RBM12: variants seen among roughly 807,000 people sequenced by gnomAD.
RBM12 encodes RNA binding motif protein 12, also known as RNA-binding protein 12.
A neutral mutation model predicts 37.2 loss-of-function variants in RBM12; 24 were observed. The ratio of observed to expected loss-of-function variants is 0.65; its 90% CI spans 0.47 to 0.91. RBM12 has a LOEUF of 0.91. Among genes scored for constraint, RBM12 ranks in the 40% least tolerant of loss-of-function variants. The pLI, the probability that RBM12 is intolerant of heterozygous loss-of-function variation, is 0.00. For missense variants in RBM12, 1,061 were observed against 1,183.2 expected, an observed-to-expected ratio of 0.90 and a Z score of 1.52; for synonymous variants, 420 against 425.2, an observed-to-expected ratio of 0.99 and a Z score of 0.15.
chr20:35,661,826 T>C (rs980107124), intron 1 of RBM12, among the ~76,000 whole-genome samples: 1 of 152,234 alleles, frequency 6.6e-6, no homozygotes, highest in Admixed American at 6.5e-5. Flanking sequence ...AAGTGAACTT[T>C]AACTTTGTTC....
intron 1 of RBM12, among the ~76,000 whole-genome samples, chr20:35,661,278 A>AT (rs1431803097): frequency 2.0e-5 from 3 of 152,230 alleles, no homozygotes; most frequent in Non-Finnish European, 4.4e-5. Flanking sequence ...AGAATTTAAC[A>AT]TAAGTGTCAC....
intron 2 of RBM12, among the ~76,000 whole-genome samples, chr20:35,656,639 ATTCTCCTGCCTC>A (rs1294795632): frequency 2.6e-5 from 4 of 152,150 alleles, no homozygotes; most frequent in Non-Finnish European, 4.4e-5. Flanking sequence ...GGTTCAAGTA[ATTCTCCTGCCTC>A]AGCCTCCCAA....
chr20:35,652,372 TAAACAGTC>T lies in RBM12; in HGVS notation c.*144_*151del. Reference sequence around the variant, plus strand: ...TTTATCCTGGTGAGTGAGTCTTCTGTAAACAGTCAACCAATGCTCTATGTTATGGAAAC... The same window carrying T: ...TTTATCCTGGTGAGTGAGTCTTCTGTAACCAATGCTCTATGTTATGGAAAC... On this transcript the variant is annotated 3_prime_UTR_variant, in exon 3 of 3. Transcript: ENST00000374114. The T allele has an allele frequency of 1.2e-6, 1 of 850,228 alleles. No individual in the cohort carries two copies. The highest frequency in any genetic ancestry group is 1.8e-5 in the South Asian group (1 of 56,388). 52.7% of individuals were successfully genotyped at this position (850,228 alleles called of 1,614,324 possible).
rs2034457159 is a variant in RBM12, at chr20:35,664,856, C to T, written c.-204G>A. On this transcript the variant is annotated 5_prime_UTR_variant, in exon 1 of 3. Transcript: ENST00000374114. ...CGACAGCCCCAGCCCGAACGGCTTC[C>T]CGGAGCCCAACGCAGCCACCACCTC... 2 of 152,388 alleles carry T rather than the reference C, an allele frequency of 1.3e-5. No homozygotes were observed. The highest frequency in any genetic ancestry group is 2.9e-5 in the Non-Finnish European group (2 of 68,130). 9.4% of individuals were successfully genotyped at this position (152,388 alleles called of 1,614,324 possible).
Position 35,654,308 on chromosome 20 carries a change from C to A in RBM12, c.1015G>T (p.Val339Leu), listed in dbSNP as rs1568937595. ...VDAVHLLKDHVGRNNGNGLVK... is the reference protein window; with the variant it reads ...VDAVHLLKDHLGRNNGNGLVK... ...AATCCATTCCCATTATTTCGACCTACATGATCTTTCAACAAATGCACTGCA... is the reference window on the plus strand; with the variant it reads ...AATCCATTCCCATTATTTCGACCTAAATGATCTTTCAACAAATGCACTGCA... Residue 339 changes from valine (V) to leucine (L), a missense_variant, in exon 3 of 3, where the codon GTA (valine) becomes TTA (leucine). Physicochemically the swap from Val to Leu is conservative, Grantham distance 32. Transcript: ENST00000374114. The A allele has an allele frequency of 6.2e-7, 1 of 1,614,094 alleles. No individual in the cohort carries two copies. Among genetic ancestry groups the A allele is most frequent in the South Asian group, 1.1e-5 (1 of 91,092 alleles).
rs772553483 is a variant in RBM12 at position 35,653,777 on chromosome 20, T to C, written c.1546A>G (p.Met516Val). The change falls in exon 3 of 3, where the codon ATG (methionine) becomes GTG (valine). Residue 516 changes from methionine (M) to valine (V), a missense_variant. This residue lies in a region of RBM12 where 517 missense variants were observed against 534.0 expected (regional missense o/e 0.97). Coordinates refer to ENST00000374114, the MANE Select transcript of RBM12 (RefSeq NM_006047.6). The part of the protein sequence containing the change: ...TKKGMLEKID[M>V]IRKRLQNFSY... ...AAGTTCTGCAGTCTTTTTCGAATCATATCTATCTTTTCTAGCATACCTTTC... is the reference window on the plus strand; with the variant it reads ...AAGTTCTGCAGTCTTTTTCGAATCACATCTATCTTTTCTAGCATACCTTTC... The C allele has an allele frequency of 1.1e-5, 17 of 1,614,134 alleles. No individual in the cohort carries two copies. Among genetic ancestry groups the C allele is most frequent in the Middle Eastern group, 1.6e-4 (1 of 6,062 alleles).
chr20:35,657,979 T>G (rs2034001288), intron 2 of RBM12, among the ~76,000 whole-genome samples: 1 of 151,874 alleles, frequency 6.6e-6, no homozygotes, highest in Admixed American at 6.6e-5. Flanking sequence ...GAAGAATCAC[T>G]TGAACCCGGG....
At chr20:35,662,107 G>A (rs899348480) in intron 1 of RBM12, among the ~76,000 whole-genome samples, 1 of 152,142 alleles carries the variant, frequency 6.6e-6, no homozygotes, top group South Asian at 2.1e-4. Context: ...TGACACTGAT[G>A]GAGATGTGTA....
rs2033411961 is a variant in RBM12 at position 35,650,320 on chromosome 20, T to C, written c.*2204A>G. 6.6e-6 allele frequency: 1 copy of C among 152,310 alleles called. No homozygotes were observed. Among genetic ancestry groups the C allele is most frequent in the African/African-American group, 2.4e-5 (1 of 41,468 alleles). The allele number at this position is 152,310 out of a possible 1,614,324, so 9.4% of individuals were successfully genotyped here. On this transcript the variant is annotated 3_prime_UTR_variant, in exon 3 of 3. Transcript: ENST00000374114. ...CTAAGATGTAGAAATAACAAAGTAG[T>C]TGCAATAAAGTGTATGAAATATTTA...
In RBM12 at chr20:35,655,030, G is replaced by T; in HGVS notation, c.293C>A (p.Pro98Gln). The T allele has an allele frequency of 6.2e-7, 1 of 1,614,042 alleles. No homozygotes were observed. The highest frequency in any genetic ancestry group is 1.3e-5 in the African/African-American group (1 of 74,960). Residue 98 changes from proline (P) to glutamine (Q), a missense_variant, in exon 3 of 3, where the codon CCA (proline) becomes CAA (glutamine). Pro to Gln is a moderately conservative substitution (Grantham distance 76, BLOSUM62 -1). Transcript: ENST00000374114. ...TCCTGATCTACTGGCATTTGCTGGT[G>T]GTATATCTAAGTTGGCAGTTTCAAA... is the stretch of plus-strand genomic sequence containing the variant. ...RRFETANLDI[P>Q]PANASRSGPP...
At chr20:35,655,433 G>T in intron 2 of RBM12, 89 bp from the exon 3 acceptor site, 1 of 1,118,570 alleles carries the variant, frequency 8.9e-7, no homozygotes, top group Non-Finnish European at 1.2e-6. Context: ...ACCATATTAG[G>T]CCCTCAAATA....
chr20:35,664,730 C>T (rs1280906579), intron 1 of RBM12, 30 bp downstream of exon 1: 1 of 152,346 alleles, frequency 6.6e-6, no homozygotes, highest in African/African-American at 2.4e-5. Context: ...CCGCACAGCC[C>T]CACCCGTTCA....
rs940681251 is a variant in RBM12, at chr20:35,655,058, G to A, written c.265C>T (p.Arg89Cys). 9 of 1,614,088 alleles carry A rather than the reference G, an allele frequency of 5.6e-6. No individual in the cohort carries two copies. The highest frequency in any genetic ancestry group is 2.2e-5 in the East Asian group (1 of 44,884). The change falls in exon 3 of 3, where the codon CGT becomes TGT. Residue 89 changes from arginine (R) to cysteine (C), a missense_variant. Arg to Cys is a radical substitution (Grantham distance 180). Coordinates refer to ENST00000374114, the MANE Select transcript of RBM12 (RefSeq NM_006047.6). Reference sequence around the variant, plus strand: ...ATATCTAAGTTGGCAGTTTCAAAACGCCTACGACTCAGTTCAATCATATTC... The same window carrying A: ...ATATCTAAGTTGGCAGTTTCAAAACACCTACGACTCAGTTCAATCATATTC... ...MQNMIELSRR[R>C]FETANLDIPP... is the part of the protein sequence containing the mutation.
At chr20:35,656,010 G>A (rs1159270898) in intron 2 of RBM12, among the ~76,000 whole-genome samples, 1 of 152,054 alleles carries the variant, frequency 6.6e-6, no homozygotes, top group Non-Finnish European at 1.5e-5. Context: ...TTATAAACAA[G>A]GTTAAGACAT....
In RBM12 at chr20:35,653,124, A is replaced by G. The variant is rs900960113; in HGVS notation, c.2199T>C (p.Phe733=). 2 of 1,613,738 alleles carry G rather than the reference A, an allele frequency of 1.2e-6. No individual in the cohort carries two copies. The highest frequency in any genetic ancestry group is 1.7e-6 in the Non-Finnish European group (2 of 1,180,036). The change falls in exon 3 of 3, where the codon TTT becomes TTC. Residue 733 remains phenylalanine, a synonymous_variant. Transcript: ENST00000374114. The part of the protein sequence containing the change: ...FPGNFGGSNA[F]GPPIPPPGLG... Reference sequence around the variant, plus strand: ...ATCCTGGAGGAGGGATTGGTGGCCCAAAGGCATTTGATCCACCAAAATTAC... The same window carrying G: ...ATCCTGGAGGAGGGATTGGTGGCCCGAAGGCATTTGATCCACCAAAATTAC...
intron 1 of RBM12, among the ~76,000 whole-genome samples, chr20:35,661,267 A>C (rs2034216956): frequency 6.6e-6 from 1 of 152,208 alleles, no homozygotes; most frequent in African/African-American, 2.4e-5. Context: ...TAAAAACCAC[A>C]AGAATTTAAC....
At chr20:35,663,190 C>T (rs768649966) in intron 1 of RBM12, among the ~76,000 whole-genome samples, 1 of 152,176 alleles carries the variant, frequency 6.6e-6, no homozygotes, top group Non-Finnish European at 1.5e-5. Context: ...TCCAGAAATC[C>T]TCCATTCTTA....
rs762422639 is a variant in RBM12, at chr20:35,655,191, G to A, written c.132C>T (p.Phe44=). The part of the protein sequence containing the change: ...HIVGGELGEA[F]IVFATDEDAR... ...CATCTTCATCAGTGGCAAAAACGAT[G>A]AAAGCCTCACCCAGTTCACCCCCTA... Residue 44 remains phenylalanine (F), a synonymous_variant, in exon 3 of 3, where the codon TTC becomes TTT. Transcript: ENST00000374114. 1 of 1,614,134 alleles carries A rather than the reference G, an allele frequency of 6.2e-7. No individual in the cohort carries two copies. Among genetic ancestry groups the A allele is most frequent in the South Asian group, 1.1e-5 (1 of 91,080 alleles).
At chr20:35,658,111 T>A (rs2034011619) in intron 2 of RBM12, among the ~76,000 whole-genome samples, 1 of 152,174 alleles carries the variant, frequency 6.6e-6, no homozygotes, top group South Asian at 2.1e-4. Flanking sequence ...TATCTGCTTT[T>A]CTGTTACTAA....
Sources: allele counts gnomAD v4.1 joint callset (sites outside exome capture counted in the v4.1 genomes callset), GRCh38; gene constraint gnomAD v4.1.1; regional missense constraint gnomAD v4.1.1; transcripts MANE v1.5; gene names NCBI Gene and HGNC (gene_info 2026-07-23, HGNC 2026-07-21).